The following KCND2 variants were observed in gnomAD, a reference collection of about 807,000 sequenced individuals.
The protein encoded by KCND2 is potassium voltage-gated channel subfamily D member 2.
Under a neutral mutation model 54.4 loss-of-function variants are expected in KCND2, and 16 were observed. The ratio of observed to expected loss-of-function variants is 0.29; its 90% CI spans 0.20 to 0.45. KCND2 has a LOEUF of 0.45. Among genes scored for constraint, KCND2 ranks in the 20% least tolerant of loss-of-function variants. The pLI is 1.00. For missense variants in KCND2, 486 were observed against 824.2 expected, an observed-to-expected ratio of 0.59 and a Z score of 5.02; for synonymous variants, 317 against 310.7, an observed-to-expected ratio of 1.02 and a Z score of -0.21.
chr7:120,519,327 A>C (rs1375729273), intron 1 of KCND2, among the ~76,000 whole-genome samples: 1 of 152,138 alleles, frequency 6.6e-6, no homozygotes, highest in African/African-American at 2.4e-5. Context: ...AGCCTGGATG[A>C]CTGAGTGAGA....
chr7:120,437,459 C>T (rs949849987), intron 1 of KCND2, among the ~76,000 whole-genome samples: 11 of 151,996 alleles, frequency 7.2e-5, no homozygotes, highest in African/African-American at 2.4e-4. Context: ...ACCTTGGCCT[C>T]CCAAAGTGCT....
chr7:120,583,998 C>T (rs1218596664), intron 1 of KCND2, among the ~76,000 whole-genome samples: 1 of 152,164 alleles, frequency 6.6e-6, no homozygotes, highest in Non-Finnish European at 1.5e-5. Context: ...TCAACACTGC[C>T]ATTTCAGTGA....
intron 1 of KCND2, among the ~76,000 whole-genome samples, chr7:120,695,759 G>T (rs1792325604): frequency 1.3e-5 from 2 of 152,030 alleles, no homozygotes; most frequent in South Asian, 2.1e-4. Context: ...TAAAGCTATT[G>T]ATTTATTTAT....
At position 120,377,421 on chromosome 7, in the gene KCND2, T is replaced by G. The variant is rs971403421; in HGVS notation, c.1115+101674T>G. 5.3e-5 allele frequency among the ~76,000 whole-genome samples: 8 copies of G among 151,908 alleles called. No individual in the cohort carries two copies. The Admixed American group carries it at 5.3e-4, about 10-fold the overall frequency. ...GTGGTGAGATTGTTAAAAATGTGAT[T>G]CCTTCACTTCTTGAACAGATTTCTA... On this transcript the variant is annotated intron_variant, in intron 1 of 5. Coordinates refer to ENST00000331113, the MANE Select transcript of KCND2 (RefSeq NM_012281.3).
Position 120,434,472 on chromosome 7 carries a change from A to T in KCND2, c.1115+158725A>T, listed in dbSNP as rs186043424. 1.6e-3 allele frequency among the ~76,000 whole-genome samples: 250 copies of T among 152,140 alleles called. 4 individuals are homozygous for T. Among genetic ancestry groups the T allele is most frequent in the Non-Finnish European group, 1.6e-3 (106 of 67,990 alleles). Reference sequence around the variant, plus strand: ...CCACTCTTGACCCCTGCTTGTCAGCACTCTGTCTCCGCTCCAGAATGAACA... The same window carrying T: ...CCACTCTTGACCCCTGCTTGTCAGCTCTCTGTCTCCGCTCCAGAATGAACA... On this transcript the variant is annotated intron_variant, in intron 1 of 5. Coordinates refer to ENST00000331113, the MANE Select transcript of KCND2 (RefSeq NM_012281.3).
chr7:120,695,705 TTTC>T (rs1792324928), intron 1 of KCND2, among the ~76,000 whole-genome samples: 1 of 152,182 alleles, frequency 6.6e-6, no homozygotes, highest in Admixed American at 6.5e-5. Flanking sequence ...GAAATTTCAT[TTTC>T]TTCTTCTACA....
chr7:120,539,055 A>G (rs1791946961), intron 1 of KCND2, among the ~76,000 whole-genome samples: 1 of 148,102 alleles, frequency 6.8e-6, no homozygotes, highest in Non-Finnish European at 1.5e-5. Flanking sequence ...ATTATAAGTA[A>G]TATGTATCCA....
chr7:120,597,088 G>C (rs1165119281), intron 1 of KCND2, among the ~76,000 whole-genome samples: 2 of 152,114 alleles, frequency 1.3e-5, no homozygotes, highest in East Asian at 3.9e-4. Context: ...GTGGAGTACA[G>C]ACTGGAATAA....
chr7:120,449,936 A>G (rs1192076039), intron 1 of KCND2, among the ~76,000 whole-genome samples: 2 of 152,224 alleles, frequency 1.3e-5, no homozygotes, highest in Non-Finnish European at 2.9e-5. Context: ...GAAGAGAACA[A>G]ATTGATAAGA....
chr7:120,717,504 A>C lies in KCND2; in HGVS notation c.1116-15399A>C, dbSNP rs1792618289. On this transcript the variant is annotated intron_variant, in intron 1 of 5. Coordinates refer to ENST00000331113, the MANE Select transcript of KCND2 (RefSeq NM_012281.3). The stretch of plus-strand genomic sequence containing the variant: ...TAGCTGGAACTATGGAAAGCAAAAC[A>C]GTAGATAAGAGAGGATACTGTAACT... Among the ~76,000 whole-genome samples the C allele has an allele frequency of 2.0e-5, 3 of 152,172 alleles. No homozygotes were observed. The South Asian group carries it at 6.2e-4, about 31-fold the overall frequency.
Position 120,650,513 on chromosome 7 carries a change from C to T in KCND2, c.1116-82390C>T, listed in dbSNP as rs543554192. Among the ~76,000 whole-genome samples, 6 of 143,036 alleles carry T rather than the reference C, an allele frequency of 4.2e-5. 1 individual carries two copies. The highest frequency in any genetic ancestry group is 3.9e-4 in the East Asian group (2 of 5,158). 93.8% of individuals were successfully genotyped at this position (143,036 alleles called of 152,430 possible). On this transcript the variant is annotated intron_variant, in intron 1 of 5. Transcript: ENST00000331113. ...ACACTGATTATTCTAGTTAGCCATT[C>T]GTCTAATCTTTTTTCAAGGTTTTTA...
At chr7:120,653,392 G>A (rs1316155640) in intron 1 of KCND2, among the ~76,000 whole-genome samples, 2 of 151,892 alleles carry the variant, frequency 1.3e-5, no homozygotes. Flanking sequence ...AGAGATAGTG[G>A]AATAAAGAAA....
At chr7:120,544,239 A>G (rs951620449) in intron 1 of KCND2, among the ~76,000 whole-genome samples, 5 of 151,962 alleles carry the variant, frequency 3.3e-5, no homozygotes, top group African/African-American at 1.2e-4. Flanking sequence ...GGTTAAGAGC[A>G]GCAGGAAGCA....
chr7:120,467,645 G>T (rs1802390594), intron 1 of KCND2, among the ~76,000 whole-genome samples: 1 of 152,116 alleles, frequency 6.6e-6, no homozygotes. Context: ...TTTGAAAATG[G>T]TCAATTGGAG....
chr7:120,672,240 T>C (rs1308291599), intron 1 of KCND2, among the ~76,000 whole-genome samples: 1 of 151,924 alleles, frequency 6.6e-6, no homozygotes, highest in African/African-American at 2.4e-5. Flanking sequence ...GAAAAAAAAA[T>C]CATAAAGGAA....
At chr7:120,290,427 A>G (rs911761528) in intron 1 of KCND2, among the ~76,000 whole-genome samples, 3 of 151,914 alleles carry the variant, frequency 2.0e-5, no homozygotes, top group Non-Finnish European at 2.9e-5. Context: ...CCAAATACTT[A>G]TTTATGCTCT....
chr7:120,605,438 A>G (rs1792869964), intron 1 of KCND2, among the ~76,000 whole-genome samples: 1 of 152,244 alleles, frequency 6.6e-6, no homozygotes, highest in African/African-American at 2.4e-5. Context: ...GTTCCATTGT[A>G]TGAATATACC....
intron 1 of KCND2, among the ~76,000 whole-genome samples, chr7:120,287,537 C>T (rs1799364173): frequency 1.3e-5 from 2 of 152,098 alleles, no homozygotes; most frequent in African/African-American, 4.8e-5. Context: ...ATTTTGACTT[C>T]AGCTGGAAGT....
chr7:120,608,455 T>C (rs1167048195), intron 1 of KCND2, among the ~76,000 whole-genome samples: 1 of 152,154 alleles, frequency 6.6e-6, no homozygotes, highest in Non-Finnish European at 1.5e-5. Flanking sequence ...CTATTTACAC[T>C]GTCCTTGGTT....
Sources: gnomAD v4.1 joint callset for allele counts (sites outside exome capture counted in the v4.1 genomes callset) on GRCh38, gnomAD v4.1.1 for gene constraint, MANE v1.5 for transcripts, NCBI Gene and HGNC (gene_info 2026-07-23, HGNC 2026-07-21) for gene names.